ACSBG2: variants seen among roughly 807,000 people sequenced by gnomAD.
ACSBG2 encodes acyl-CoA synthetase bubblegum family member 2, also known as long-chain-fatty-acid--CoA ligase ACSBG2.
A neutral mutation model predicts 74.7 loss-of-function variants in ACSBG2; 62 were observed. The observed-to-expected ratio is 0.83, with a 90% confidence interval of 0.68 to 1.03. ACSBG2 has a LOEUF of 1.03. ACSBG2 is among the 50% of genes least tolerant of loss of function. ACSBG2 has a pLI of 0.00. For synonymous variants in ACSBG2, 309 were observed against 294.1 expected (o/e 1.05, Z -0.52); for missense variants, 730 against 817.6 (o/e 0.89, Z 1.31).
At chr19:6,156,135 T>C (rs1409878799) in intron 4 of ACSBG2, among the ~76,000 whole-genome samples, 4 of 152,148 alleles carry the variant, frequency 2.6e-5, no homozygotes, top group Non-Finnish European at 5.9e-5. Context: ...TAACACCTAC[T>C]TGCTGTGTAA....
At position 6,166,013 on chromosome 19, in the gene ACSBG2, A is replaced by G; in HGVS notation, c.736A>G (p.Asn246Asp). ...IPKGVMLSHD[N>D]ITWIAGAVTK... ...CAAGGGAGTGATGCTCAGTCATGAC[A>G]ACGTACGCCAAAGTCCCTTTGCTCT... The change falls in exon 7 of 15, where the codon AAC (asparagine) becomes GAC (aspartate). Residue 246 changes from asparagine (N) to aspartate (D), a missense_variant and splice_region_variant. Transcript: ENST00000588485. 4 of 1,613,792 alleles carry G rather than the reference A, an allele frequency of 2.5e-6. No homozygotes were observed. Among genetic ancestry groups the G allele is most frequent in the Non-Finnish European group, 3.4e-6 (4 of 1,179,844 alleles).
chr19:6,143,844 A>G (rs1346414408), intron 2 of ACSBG2, among the ~76,000 whole-genome samples: 1 of 152,120 alleles, frequency 6.6e-6, no homozygotes, highest in African/African-American at 2.4e-5. Flanking sequence ...CCTTGTTGTA[A>G]GTTGTTATGA....
intron 13 of ACSBG2, chr19:6,190,299 T>G (rs1166889365): frequency 1.4e-5 from 5 of 360,250 alleles, no homozygotes; most frequent in Non-Finnish European, 2.7e-5. Flanking sequence ...GGGTATGGTT[T>G]GAGATGATGA....
intron 1 of ACSBG2, chr19:6,137,173 A>T: frequency 8.1e-6 from 1 of 123,006 alleles, no homozygotes; most frequent in Admixed American, 9.9e-5. Flanking sequence ...TCACACCTGC[A>T]AATCCCAGCA....
intron 5 of ACSBG2, among the ~76,000 whole-genome samples, chr19:6,160,358 C>G (rs1321579595): frequency 6.9e-6 from 1 of 145,098 alleles, no homozygotes; most frequent in African/African-American, 2.6e-5. Context: ...CCACTGCACT[C>G]TAGCCTAGGT....
intron 7 of ACSBG2, among the ~76,000 whole-genome samples, chr19:6,173,604 T>C (rs1366384377): frequency 1.3e-5 from 2 of 152,160 alleles, no homozygotes; most frequent in Admixed American, 1.3e-4. Context: ...CAGCTTTCCT[T>C]TCCTACGCCG....
intron 8 of ACSBG2, among the ~76,000 whole-genome samples, chr19:6,181,822 C>A (rs989158475): frequency 7.9e-6 from 1 of 125,788 alleles, no homozygotes; most frequent in African/African-American, 3.1e-5. Flanking sequence ...CGCCCCCCCC[C>A]CCAACGAAAT....
In ACSBG2 at chr19:6,156,473, T is replaced by C; in HGVS notation, c.429T>C (p.Val143=). The change falls in exon 5 of 15, where the codon GTT becomes GTC. Residue 143 remains valine (V), a synonymous_variant. Transcript: ENST00000588485. ...VGIYATNSAE[V]CQYVITHAKV... The stretch of plus-strand genomic sequence containing the variant: ...TTTATGCCACCAACTCTGCCGAGGT[T>C]TGTCAATATGTCATCACTCATGCCA... 6.3e-7 allele frequency: 1 copy of C among 1,595,622 alleles called. No individual in the cohort carries two copies. The highest frequency in any genetic ancestry group is 1.1e-5 in the South Asian group (1 of 87,474).
At chr19:6,148,811 T>C (rs1045345994) in intron 3 of ACSBG2, among the ~76,000 whole-genome samples, 3 of 151,994 alleles carry the variant, frequency 2.0e-5, no homozygotes, top group African/African-American at 7.2e-5. Flanking sequence ...CCCGTAAATC[T>C]TGGACACCTG....
At chr19:6,141,635 GGAGA>G in intron 2 of ACSBG2, 25 bp downstream of exon 2, 1 of 1,428,024 alleles carries the variant, frequency 7.0e-7, no homozygotes, top group Non-Finnish European at 9.9e-7. Context: ...AGAGTACGTG[GGAGA>G]GAGAGTGGCA....
intron 6 of ACSBG2, among the ~76,000 whole-genome samples, chr19:6,163,827 G>C (rs901610637): frequency 6.8e-6 from 1 of 146,876 alleles, no homozygotes; most frequent in African/African-American, 2.5e-5. Flanking sequence ...GTGCATGCCT[G>C]TCCAAGCTAC....
intron 8 of ACSBG2, among the ~76,000 whole-genome samples, chr19:6,177,939 T>C (rs1271007849): frequency 6.6e-6 from 1 of 151,532 alleles, no homozygotes; most frequent in Non-Finnish European, 1.5e-5. Flanking sequence ...TTCCCAAATC[T>C]AAAAAGCTCC....
intron 8 of ACSBG2, among the ~76,000 whole-genome samples, chr19:6,178,844 TG>T (rs557873525): frequency 1.0e-3 from 152 of 152,214 alleles, no homozygotes; most frequent in African/African-American, 3.6e-3. Context: ...AAGGATAGGC[TG>T]GGGGAAAAAA....
chr19:6,157,498 G>C (rs2089464937), intron 5 of ACSBG2, among the ~76,000 whole-genome samples: 1 of 152,202 alleles, frequency 6.6e-6, no homozygotes, highest in African/African-American at 2.4e-5. Context: ...GGGAGGTGGA[G>C]GTTGCAGTGA....
intron 8 of ACSBG2, 69 bp downstream of exon 8, chr19:6,177,465 T>C: frequency 6.7e-7 from 1 of 1,485,410 alleles, no homozygotes; most frequent in South Asian, 1.4e-5. Flanking sequence ...TAGATGGTTG[T>C]TAATCATTCG....
At chr19:6,143,283 G>A (rs2088912674) in intron 2 of ACSBG2, among the ~76,000 whole-genome samples, 1 of 151,812 alleles carries the variant, frequency 6.6e-6, no homozygotes, top group Admixed American at 6.6e-5. Context: ...CACAATTCTG[G>A]AGGCCAGATT....
At chr19:6,138,543 GA>G (rs2088672965) in intron 1 of ACSBG2, among the ~76,000 whole-genome samples, 1 of 122,392 alleles carries the variant, frequency 8.2e-6, no homozygotes, top group African/African-American at 3.3e-5. Flanking sequence ...GAAGGGGAGG[GA>G]GGGAGGGAGG....
chr19:6,182,099 A>T (rs2090277553), intron 8 of ACSBG2, among the ~76,000 whole-genome samples: 1 of 152,084 alleles, frequency 6.6e-6, no homozygotes, highest in Non-Finnish European at 1.5e-5. Context: ...TAAATTTTAA[A>T]ATCAGGTAGT....
At chr19:6,161,147 C>T (rs1300275764) in intron 5 of ACSBG2, 68 bp from the exon 6 acceptor site, 3 of 1,289,132 alleles carry the variant, frequency 2.3e-6, no homozygotes, top group Middle Eastern at 1.9e-4. Flanking sequence ...TTACTTAGGA[C>T]ATCTAACCCA....
Sources: gnomAD v4.1 joint callset for allele counts (sites outside exome capture counted in the v4.1 genomes callset) on GRCh38, gnomAD v4.1.1 for gene constraint, MANE v1.5 for transcripts, NCBI Gene and HGNC (gene_info 2026-07-23, HGNC 2026-07-21) for gene names.